Variants in ABR observed in about 807,000 individuals in gnomAD.
The protein encoded by ABR is ABR activator of RhoGEF and GTPase, also known as active breakpoint cluster region-related protein.
In ABR, 35 loss-of-function variants were observed where a neutral mutation model predicts 107.2. The ratio of observed to expected loss-of-function variants is 0.33; its 90% CI spans 0.25 to 0.43. The LOEUF is 0.43. Among genes scored for constraint, ABR ranks in the 20% least tolerant of loss-of-function variants. The pLI, the probability that ABR is intolerant of heterozygous loss-of-function variation, is 1.00. For missense variants in ABR, 815 were observed against 1,115.2 expected, an observed-to-expected ratio of 0.73 and a Z score of 3.83; for synonymous variants, 498 against 462.0, an observed-to-expected ratio of 1.08 and a Z score of -1.00.
At chr17:1,090,999 T>C (rs1381826905) in intron 4 of ABR, among the ~76,000 whole-genome samples, 6 of 152,132 alleles carry the variant, frequency 3.9e-5, no homozygotes. Context: ...AGAAGACTTC[T>C]GTGAACGTTT....
At chr17:1,215,936 C>T (rs1201295987) in intron 1 of ABR, among the ~76,000 whole-genome samples, 1 of 140,324 alleles carries the variant, frequency 7.1e-6, no homozygotes, top group East Asian at 2.2e-4. Flanking sequence ...GGATTAAGGG[C>T]GGTGCAAGAT....
At chr17:1,040,846 A>G (rs991739750) in intron 16 of ABR, among the ~76,000 whole-genome samples, 4 of 152,228 alleles carry the variant, frequency 2.6e-5, no homozygotes, top group African/African-American at 4.8e-5. Context: ...CGATGGAGAA[A>G]GCTAGACTCA....
intron 1 of ABR, among the ~76,000 whole-genome samples, chr17:1,145,140 C>T (rs1239709061): frequency 6.6e-6 from 1 of 152,192 alleles, no homozygotes; most frequent in Non-Finnish European, 1.5e-5. Flanking sequence ...GGTGGTGGCC[C>T]TCTTCTGCTC....
chr17:1,008,362 G>C (rs1395368877), intron 21 of ABR, among the ~76,000 whole-genome samples: 1 of 152,244 alleles, frequency 6.6e-6, no homozygotes, highest in Non-Finnish European at 1.5e-5. Context: ...GGCAGGAGCT[G>C]TGGCTGCGCC....
intron 1 of ABR, among the ~76,000 whole-genome samples, chr17:1,171,595 T>C (rs1366527405): frequency 2.6e-5 from 4 of 152,070 alleles, no homozygotes; most frequent in Non-Finnish European, 5.9e-5. Context: ...ACCTGTGACC[T>C]AGAGGCACAC....
intron 16 of ABR, among the ~76,000 whole-genome samples, chr17:1,023,342 C>A (rs573733137): frequency 3.3e-5 from 5 of 152,372 alleles, no homozygotes; most frequent in African/African-American, 9.6e-5. Context: ...TCTCCCCCAG[C>A]GGCCTAGGGC....
At chr17:1,012,932 C>G in intron 17 of ABR, 135 bp from the exon 18 acceptor site, 2 of 1,066,462 alleles carry the variant, frequency 1.9e-6, no homozygotes, top group Non-Finnish European at 1.4e-6. Flanking sequence ...AACACAACAC[C>G]TGCAGGACAG....
intron 2 of ABR, among the ~76,000 whole-genome samples, chr17:1,109,469 C>G (rs886980397): frequency 4.6e-5 from 7 of 152,010 alleles, no homozygotes; most frequent in Non-Finnish European, 8.8e-5. Flanking sequence ...TGGAGCCGCC[C>G]GTCCTCTGGG....
At position 1,084,652 on chromosome 17, in the gene ABR, G is replaced by A. The variant is rs575477122; in HGVS notation, c.532-1025C>T. Among the ~76,000 whole-genome samples, 7 of 152,284 alleles carry A rather than the reference G, an allele frequency of 4.6e-5. No homozygotes were observed. In the East Asian group the frequency reaches 5.8e-4, roughly 13 times the overall value. On this transcript the variant is annotated intron_variant, in intron 4 of 22. Coordinates refer to ENST00000302538, the MANE Select transcript of ABR (RefSeq NM_021962.5). This position sits in a 1 kb window ranked among gnomAD's most constrained non-coding sequence, Gnocchi z 4.2. ...CCCCAAATATTTATGGAAAGGCTTC[G>A]CTGCGCTGTATATAAGCACTTCCTC...
In ABR at chr17:1,092,189, A is replaced by C. The variant is rs1056954201; in HGVS notation, c.346-339T>G. Among the ~76,000 whole-genome samples, 3 of 152,196 alleles carry C rather than the reference A, an allele frequency of 2.0e-5. No individual in the cohort carries two copies. The highest frequency in any genetic ancestry group is 2.9e-5 in the Non-Finnish European group (2 of 68,032). ...TCCACGATAGCCTGTGCCCCGAGTC[A>C]TAAGCTCCTTGTCACACTTCAGTGG... On this transcript the variant is annotated intron_variant, in intron 3 of 22. Coordinates refer to ENST00000302538, the MANE Select transcript of ABR (RefSeq NM_021962.5). The surrounding 1 kb of genome is among the most constrained non-coding windows in gnomAD (Gnocchi z 4.6).
chr17:1,089,789 G>A (rs539319915), intron 4 of ABR, among the ~76,000 whole-genome samples: 2 of 152,248 alleles, frequency 1.3e-5, no homozygotes, highest in East Asian at 1.9e-4. Context: ...GCGAAACCCC[G>A]TCTCTACTAA....
chr17:1,060,612 C>T (rs917501768), intron 10 of ABR, among the ~76,000 whole-genome samples: 47 of 152,144 alleles, frequency 3.1e-4, no homozygotes, highest in Non-Finnish European at 5.0e-4. Context: ...TTACCCTGTA[C>T]ATGCTGGTAC....
intron 16 of ABR, among the ~76,000 whole-genome samples, chr17:1,014,179 C>G (rs1053463220): frequency 6.6e-6 from 1 of 152,296 alleles, no homozygotes; most frequent in East Asian, 1.9e-4. Flanking sequence ...TGGCGGCTCA[C>G]GCCTGTAATC....
At chr17:1,104,611 G>A (rs1045889617) in intron 2 of ABR, among the ~76,000 whole-genome samples, 2 of 152,206 alleles carry the variant, frequency 1.3e-5, no homozygotes, top group African/African-American at 2.4e-5. Flanking sequence ...CGTGCCTGGG[G>A]CTTATACCCA....
chr17:1,175,490 A>G (rs1388944176), intron 1 of ABR, among the ~76,000 whole-genome samples: 1 of 152,208 alleles, frequency 6.6e-6, no homozygotes, highest in Non-Finnish European at 1.5e-5. Flanking sequence ...TGAAACTGAC[A>G]TTGCTACATT....
At position 1,041,339 on chromosome 17, in the gene ABR, C is replaced by T. The variant is rs151051038; in HGVS notation, c.1791+8711G>A. ...AAACAAGTGAGTGAACAGGTGAAAGCGTGGACGCACACGTCACAGCACCGA... is the reference window on the plus strand; with the variant it reads ...AAACAAGTGAGTGAACAGGTGAAAGTGTGGACGCACACGTCACAGCACCGA... On this transcript the variant is annotated intron_variant, in intron 16 of 22. Transcript: ENST00000302538. Among the ~76,000 whole-genome samples, 795 of 152,344 alleles carry T rather than the reference C, an allele frequency of 5.2e-3. 4 individuals are homozygous for T. Among genetic ancestry groups the T allele is most frequent in the Middle Eastern group, 0.014 (4 of 294 alleles).
At chr17:1,013,075 C>T (rs755123591) in intron 17 of ABR, 30 bp downstream of exon 17, 30 of 1,612,384 alleles carry the variant, frequency 1.9e-5, no homozygotes, top group Middle Eastern at 3.4e-4. Context: ...TCCCGGCTCA[C>T]GCCACTGATC....
At chr17:1,008,457 G>A (rs1465909136) in intron 21 of ABR, among the ~76,000 whole-genome samples, 4 of 152,204 alleles carry the variant, frequency 2.6e-5, no homozygotes, top group Non-Finnish European at 4.4e-5. Context: ...GCGCGCACAC[G>A]GTCCAGCCAG....
chr17:1,172,082 T>C (rs2041735487), intron 1 of ABR, among the ~76,000 whole-genome samples: 1 of 152,116 alleles, frequency 6.6e-6, no homozygotes, highest in Non-Finnish European at 1.5e-5. Context: ...GTCTAGTGTG[T>C]GTGGGGAGGA....
Sources: allele counts gnomAD v4.1 joint callset (sites outside exome capture counted in the v4.1 genomes callset), GRCh38; gene constraint gnomAD v4.1.1; non-coding constraint Gnocchi (gnomAD v3.1); transcripts MANE v1.5; gene names NCBI Gene and HGNC (gene_info 2026-07-23, HGNC 2026-07-21).